The following DNM3 variants were observed in gnomAD, a reference collection of about 807,000 sequenced individuals.
DNM3 encodes dynamin-3.
In DNM3, 47 loss-of-function variants were observed where a neutral mutation model predicts 101.6. The ratio of observed to expected loss-of-function variants is 0.46; its 90% CI spans 0.37 to 0.59. The LOEUF is 0.59. Ranked by LOEUF, DNM3 falls within the 20% of genes least tolerant of loss-of-function variation. DNM3 has a pLI of 0.00. For missense variants in DNM3, 849 were observed against 1,085.7 expected (o/e 0.78, Z 3.06); for synonymous variants, 385 against 387.9 (o/e 0.99, Z 0.09).
chr1:172,242,477 C>G (rs2061785938), intron 14 of DNM3, among the ~76,000 whole-genome samples: 1 of 152,184 alleles, frequency 6.6e-6, no homozygotes, highest in Admixed American at 6.5e-5. Flanking sequence ...GGATCTCACT[C>G]TGTCATCTAG....
intron 10 of DNM3, among the ~76,000 whole-genome samples, chr1:172,058,871 C>CA (rs200231245): frequency 0.35 from 53,035 of 150,884 alleles, 10,190 homozygotes; most frequent in East Asian, 0.69. Flanking sequence ...GAAATAGAGA[C>CA]AAAAAAAACC....
chr1:172,206,632 C>A (rs765092942), intron 14 of DNM3, among the ~76,000 whole-genome samples: 1 of 152,038 alleles, frequency 6.6e-6, no homozygotes, highest in African/African-American at 2.4e-5. Context: ...TTTTACCCAC[C>A]TTTTCTTCTG....
intron 14 of DNM3, among the ~76,000 whole-genome samples, chr1:172,213,994 G>T (rs963442237): frequency 1.3e-5 from 2 of 152,106 alleles, no homozygotes; most frequent in African/African-American, 4.8e-5. Flanking sequence ...CCTTCAGGTA[G>T]AAACGTTTTC....
chr1:172,010,359 T>G (rs893617239), intron 4 of DNM3, among the ~76,000 whole-genome samples: 19 of 151,942 alleles, frequency 1.3e-4, no homozygotes, highest in African/African-American at 4.3e-4. Context: ...TTGAAGAACT[T>G]ACAATTTCTT....
intron 1 of DNM3, among the ~76,000 whole-genome samples, chr1:171,891,347 T>TAA (rs11367825): frequency 0.095 from 13,782 of 144,766 alleles, 785 homozygotes; most frequent in South Asian, 0.24. Context: ...GGGCAAGTGC[T>TAA]AAAAAAAAAA....
chr1:171,992,487 T>C (rs746786633), intron 4 of DNM3, among the ~76,000 whole-genome samples: 7 of 152,116 alleles, frequency 4.6e-5, no homozygotes, highest in Non-Finnish European at 8.8e-5. Flanking sequence ...GAAAGTTAAA[T>C]GAGATTAAAA....
intron 2 of DNM3, among the ~76,000 whole-genome samples, chr1:171,930,974 T>G (rs1025557398): frequency 7.2e-5 from 11 of 152,142 alleles, no homozygotes; most frequent in Admixed American, 7.2e-4. Flanking sequence ...GGAGGTGTGG[T>G]GGCTCACACC....
chr1:171,844,320 G>A (rs2124952051), intron 1 of DNM3, among the ~76,000 whole-genome samples: 1 of 152,202 alleles, frequency 6.6e-6, no homozygotes, highest in East Asian at 1.9e-4. Context: ...TTCATTTTAA[G>A]ACTCGATCTA....
intron 15 of DNM3, among the ~76,000 whole-genome samples, chr1:172,301,124 G>T (rs1168729291): frequency 1.3e-5 from 2 of 152,170 alleles, no homozygotes; most frequent in East Asian, 3.9e-4. Context: ...AAGAAAGCTT[G>T]TTAATCTTGT....
chr1:171,889,049 G>A (rs928738024), intron 1 of DNM3, among the ~76,000 whole-genome samples: 4 of 152,058 alleles, frequency 2.6e-5, no homozygotes, highest in African/African-American at 4.8e-5. Context: ...GTGCAATCAC[G>A]GCACACTGTA....
chr1:172,030,249 G>A (rs1312816766), intron 4 of DNM3, among the ~76,000 whole-genome samples: 5 of 151,970 alleles, frequency 3.3e-5, no homozygotes, highest in Non-Finnish European at 4.4e-5. Flanking sequence ...CAGAAATAAC[G>A]CCAGACATCT....
chr1:172,400,052 C>G (rs953986498), intron 20 of DNM3: 17 of 152,314 alleles, frequency 1.1e-4, no homozygotes, highest in African/African-American at 3.4e-4. Context: ...AAAGTCTTTT[C>G]TATCTTCCCA....
intron 14 of DNM3, among the ~76,000 whole-genome samples, chr1:172,190,544 G>T (rs1253274207): frequency 6.6e-6 from 1 of 152,042 alleles, no homozygotes; most frequent in Non-Finnish European, 1.5e-5. Context: ...AGGATGGCTG[G>T]GTCAAATGGT....
rs528651285 is a variant in DNM3 at position 172,149,228 on chromosome 1, A to G, written c.1659+17940A>G. Among the ~76,000 whole-genome samples the G allele has an allele frequency of 2.6e-5, 4 of 152,304 alleles. No individual in the cohort carries two copies. The South Asian group carries it at 8.3e-4, about 32-fold the overall frequency. On this transcript the variant is annotated intron_variant, in intron 14 of 20. Coordinates refer to ENST00000627582, the MANE Select transcript of DNM3 (RefSeq NM_015569.5). ...ATAAGCTCCTAACCAAAAGCAGTAT[A>G]TATTTTATGAACATTCTTTCCTCAA...
In DNM3 at chr1:172,409,675, G is replaced by A. The variant is rs1414184284; in HGVS notation, c.*1834G>A. 1.0e-6 allele frequency: 1 copy of A among 985,410 alleles called. No individual in the cohort carries two copies. The highest frequency in any genetic ancestry group is 1.2e-6 in the Non-Finnish European group (1 of 829,676). The allele number at this position is 985,410 out of a possible 1,614,324, so 61.0% of individuals were successfully genotyped here. On this transcript the variant is annotated 3_prime_UTR_variant, in exon 21 of 21. Transcript: ENST00000627582. Reference sequence around the variant, plus strand: ...TTTAAAATAGTGTCTCAGCTAAATGGAAAACTGTTAAGCAAACATCCATAG... The same window carrying A: ...TTTAAAATAGTGTCTCAGCTAAATGAAAAACTGTTAAGCAAACATCCATAG...
chr1:172,302,087 C>A (rs1318961292), intron 15 of DNM3, among the ~76,000 whole-genome samples: 2 of 152,160 alleles, frequency 1.3e-5, no homozygotes, highest in Non-Finnish European at 2.9e-5. Flanking sequence ...CATCACCTCA[C>A]CTGGGGTTGG....
At chr1:171,936,590 A>T (rs560440026) in intron 2 of DNM3, among the ~76,000 whole-genome samples, 1 of 152,298 alleles carries the variant, frequency 6.6e-6, no homozygotes, top group South Asian at 2.1e-4. Context: ...TTACCAAAGT[A>T]TTCTTTCTTT....
chr1:172,302,303 C>T (rs2064499554), intron 15 of DNM3, among the ~76,000 whole-genome samples: 1 of 152,224 alleles, frequency 6.6e-6, no homozygotes, highest in African/African-American at 2.4e-5. Context: ...TGCCAGGCAG[C>T]AGCCTAGCAG....
At chr1:172,197,295 G>A (rs939815160) in intron 14 of DNM3, among the ~76,000 whole-genome samples, 4 of 152,038 alleles carry the variant, frequency 2.6e-5, no homozygotes, top group African/African-American at 9.7e-5. Flanking sequence ...GTACCATGCT[G>A]TTTTGGTTAC....
Sources: gnomAD v4.1 joint callset for allele counts (sites outside exome capture counted in the v4.1 genomes callset) on GRCh38, gnomAD v4.1.1 for gene constraint, MANE v1.5 for transcripts, NCBI Gene and HGNC (gene_info 2026-07-23, HGNC 2026-07-21) for gene names.